STK33: variants seen among roughly 807,000 people sequenced by gnomAD.
STK33 encodes serine/threonine kinase 33.
A neutral mutation model predicts 58.0 loss-of-function variants in STK33; 52 were observed. That is an observed-to-expected ratio of 0.90 (90% CI 0.72 to 1.13). The LOEUF (loss-of-function observed/expected upper bound fraction) is 1.13, where lower values mean the gene tolerates loss of function less well. Ranked by LOEUF, STK33 falls within the 50% of genes most tolerant of loss-of-function variation. The probability of loss-of-function intolerance (pLI) is 0.00; values close to 1 mark genes in which losing one functional copy is unlikely to be tolerated. For missense variants in STK33, 630 were observed against 604.2 expected, an observed-to-expected ratio of 1.04 and a Z score of -0.45; for synonymous variants, 215 against 200.1, an observed-to-expected ratio of 1.07 and a Z score of -0.63.
At chr11:8,437,052 G>A (rs532352826) in intron 12 of STK33, among the ~76,000 whole-genome samples, 8 of 152,178 alleles carry the variant, frequency 5.3e-5, no homozygotes, top group Admixed American at 1.3e-4. Flanking sequence ...CCATTAAAAC[G>A]GACACAACTC....
chr11:8,581,025 T>G (rs1207698341), intron 1 of STK33: 1 of 152,182 alleles, frequency 6.6e-6, no homozygotes, highest in Non-Finnish European at 1.5e-5. Context: ...CTATTATCCC[T>G]GACATTTCCC....
chr11:8,436,634 C>G (rs1944100389), intron 12 of STK33, among the ~76,000 whole-genome samples: 2 of 152,266 alleles, frequency 1.3e-5, no homozygotes, highest in South Asian at 4.2e-4. Flanking sequence ...AGGCTTTTAT[C>G]CATAGTAAAA....
the STK33 span, among the ~76,000 whole-genome samples, chr11:8,377,082 C>G: frequency 6.6e-6 from 1 of 152,238 alleles, no homozygotes; most frequent in Non-Finnish European, 1.5e-5. Context: ...ATCAAAACCA[C>G]TAACTCGACA....
intron 15 of STK33, among the ~76,000 whole-genome samples, chr11:8,398,461 G>A (rs1286176735): frequency 2.0e-5 from 3 of 152,156 alleles, no homozygotes; most frequent in African/African-American, 7.2e-5. Flanking sequence ...CCCGAAGGAA[G>A]CACTAAACAT....
At chr11:8,349,026 G>A in the STK33 span, among the ~76,000 whole-genome samples, 7 of 152,310 alleles carry the variant, frequency 4.6e-5, no homozygotes, top group African/African-American at 1.7e-4. Context: ...GGCTGGCTCC[G>A]TGCCCAGCTG....
At chr11:8,404,921 G>A (rs770391310) in intron 15 of STK33, among the ~76,000 whole-genome samples, 22 of 152,192 alleles carry the variant, frequency 1.4e-4, no homozygotes, top group Non-Finnish European at 2.1e-4. Flanking sequence ...TAGGCGGATC[G>A]CGAGGTCAGG....
At position 8,517,713 on chromosome 11, in the gene STK33, T is replaced by G. The variant is rs1202442779; in HGVS notation, c.-465-37099A>C. Among the ~76,000 whole-genome samples the G allele has an allele frequency of 2.0e-5, 3 of 152,140 alleles. No individual in the cohort carries two copies. In the East Asian group the frequency reaches 5.8e-4, roughly 29 times the overall value. On this transcript the variant is annotated intron_variant, in intron 1 of 15. Transcript: ENST00000687296. The stretch of plus-strand genomic sequence containing the variant: ...CGCATGCACAAGCTTCAGTAGCCAA[T>G]TTGATAAAGAGGAGGAAAGGGTATC...
the STK33 span, among the ~76,000 whole-genome samples, chr11:8,337,147 T>C: frequency 6.6e-6 from 1 of 152,346 alleles, no homozygotes; most frequent in Admixed American, 6.5e-5. Context: ...TCCTTTCCCT[T>C]GCTTCCTAAG....
At chr11:8,467,528 A>T (rs1375204721) in intron 6 of STK33, 2 of 152,348 alleles carry the variant, frequency 1.3e-5, no homozygotes, top group Non-Finnish European at 2.9e-5. Context: ...CATCATCCAT[A>T]TCATTATCAG....
At chr11:8,388,309 C>A (rs946803399), downstream of STK33, among the ~76,000 whole-genome samples, 1 of 152,244 alleles carries the variant, frequency 6.6e-6, no homozygotes, top group Non-Finnish European at 1.5e-5. Context: ...ACTGACCCAG[C>A]AAGCACAGAG....
At chr11:8,344,266 T>C in the STK33 span, among the ~76,000 whole-genome samples, 2 of 150,994 alleles carry the variant, frequency 1.3e-5, no homozygotes, top group African/African-American at 4.9e-5. Context: ...CCTGTAGTTC[T>C]AGCTACTCAG....
rs113284030 is a variant in STK33, at chr11:8,536,455, C to G, written c.-465-55841G>C. Reference sequence around the variant, plus strand: ...CACCAAGAATAAAGAGAAGATTGGTCAAGGAACTTCACAATGGAAGGAACA... The same window carrying G: ...CACCAAGAATAAAGAGAAGATTGGTGAAGGAACTTCACAATGGAAGGAACA... On this transcript the variant is annotated intron_variant, in intron 1 of 15. Coordinates refer to ENST00000687296, the MANE Select transcript of STK33 (RefSeq NM_001352389.2). 3.5e-3 allele frequency among the ~76,000 whole-genome samples: 533 copies of G among 152,204 alleles called. 2 individuals are homozygous for G. Among genetic ancestry groups the G allele is most frequent in the Non-Finnish European group, 5.4e-3 (365 of 67,994 alleles).
At chr11:8,506,946 T>G (rs1287064556) in intron 1 of STK33, among the ~76,000 whole-genome samples, 1 of 152,210 alleles carries the variant, frequency 6.6e-6, no homozygotes, top group African/African-American at 2.4e-5. Flanking sequence ...CCATGGGGCA[T>G]CCTATACAGT....
intron 14 of STK33, among the ~76,000 whole-genome samples, chr11:8,422,894 G>A (rs1275219918): frequency 2.6e-5 from 4 of 151,394 alleles, no homozygotes; most frequent in African/African-American, 4.8e-5. Flanking sequence ...ATGCAATCAC[G>A]AGTCACTGCA....
chr11:8,438,474 G>A (rs1944343678), intron 12 of STK33, among the ~76,000 whole-genome samples: 1 of 152,118 alleles, frequency 6.6e-6, no homozygotes, highest in Non-Finnish European at 1.5e-5. Context: ...CCTGGAGAAG[G>A]TAATATGTTT....
At chr11:8,539,736 T>G (rs1472641381) in intron 1 of STK33, among the ~76,000 whole-genome samples, 1 of 152,168 alleles carries the variant, frequency 6.6e-6, no homozygotes, top group East Asian at 1.9e-4. Flanking sequence ...TATGATTTAT[T>G]TGGCATTTAA....
chr11:8,376,870 T>A, the STK33 span, among the ~76,000 whole-genome samples: 1 of 152,162 alleles, frequency 6.6e-6, no homozygotes, highest in African/African-American at 2.4e-5. Flanking sequence ...TGAGATCACA[T>A]CTTCCAGCTG....
intron 1 of STK33, among the ~76,000 whole-genome samples, chr11:8,586,493 A>G (rs1280042083): frequency 6.6e-6 from 1 of 151,832 alleles, no homozygotes; most frequent in Non-Finnish European, 1.5e-5. Context: ...ACACCAACCA[A>G]TGTGTCTGTT....
chr11:8,348,915 TATC>T, the STK33 span, among the ~76,000 whole-genome samples: 4 of 152,322 alleles, frequency 2.6e-5, no homozygotes, highest in South Asian at 8.3e-4. Flanking sequence ...ATTTTTAAAA[TATC>T]ATTTCTTCAA....
Sources: allele counts gnomAD v4.1 joint callset (sites outside exome capture counted in the v4.1 genomes callset), GRCh38; gene constraint gnomAD v4.1.1; transcripts MANE v1.5; gene names NCBI Gene and HGNC (gene_info 2026-07-23, HGNC 2026-07-21).